MRPS25: variants seen among roughly 807,000 people sequenced by gnomAD.
MRPS25 encodes the protein small ribosomal subunit protein mS25.
In MRPS25, 15 loss-of-function variants were observed where a neutral mutation model predicts 17.3. The ratio of observed to expected loss-of-function variants is 0.87; its 90% confidence interval spans 0.58 to 1.34. The LOEUF (loss-of-function observed/expected upper bound fraction) is 1.34, where lower values mean the gene tolerates loss of function less well. MRPS25 is among the 40% of genes most tolerant of loss of function. The pLI is 0.00. For missense variants in MRPS25, 225 were observed against 218.6 expected (o/e 1.03, Z -0.19); for synonymous variants, 94 against 83.3 (o/e 1.13, Z -0.70).
downstream of MRPS25, chr3:15,043,502 CTT>C (rs1267278556): frequency 6.5e-6 from 1 of 152,722 alleles, no homozygotes; most frequent in Non-Finnish European, 1.5e-5. Flanking sequence ...CTGTGTATGT[CTT>C]TTGCCGAAAT....
chr3:15,052,806 G>A (rs1219713380), intron 3 of MRPS25, among the ~76,000 whole-genome samples, 173 bp from the exon 4 acceptor site: 1 of 152,112 alleles, frequency 6.6e-6, no homozygotes, highest in African/African-American at 2.4e-5. Flanking sequence ...CCCCTGAGGA[G>A]AGCGCTGAAA....
At chr3:15,044,045 T>G (rs763598129), downstream of MRPS25, 2 of 152,160 alleles carry the variant, frequency 1.3e-5, no homozygotes, top group Non-Finnish European at 2.9e-5. Context: ...AGTGTGAGCG[T>G]TACCTTCCCA....
intron 2 of MRPS25, 173 bp from the exon 3 acceptor site, chr3:15,053,640 C>A: frequency 1.3e-6 from 1 of 742,884 alleles, no homozygotes; most frequent in Admixed American, 2.1e-5. Flanking sequence ...TTTCTTTAGA[C>A]CTGAGCAAGC....
intron 1 of MRPS25, among the ~76,000 whole-genome samples, chr3:15,061,523 T>C (rs2042758732): frequency 6.6e-6 from 1 of 152,198 alleles, no homozygotes; most frequent in South Asian, 2.1e-4. Flanking sequence ...CAGTGCTCAA[T>C]GGTGCCCAGG....
Position 15,052,278 on chromosome 3 carries a change from C to G in MRPS25, c.*163G>C. On this transcript the variant is annotated 3_prime_UTR_variant, in exon 4 of 4. Transcript: ENST00000253686. ...TTTAGCAGCTCAGCTTCAGACCCTC[C>G]TCTCCCACATCCTTTTACACAGGTG... The G allele has an allele frequency of 7.2e-7, 1 of 1,393,166 alleles. No individual in the cohort carries two copies. 86.3% of individuals were successfully genotyped at this position (1,393,166 alleles called of 1,614,324 possible).
intron 2 of MRPS25, among the ~76,000 whole-genome samples, chr3:15,054,129 T>C (rs895620648): frequency 1.3e-5 from 2 of 151,926 alleles, no homozygotes; most frequent in African/African-American, 4.8e-5. Flanking sequence ...CAGAACTGCT[T>C]GAACCCAGGA....
At chr3:15,063,774 T>C (rs577295486) in intron 1 of MRPS25, among the ~76,000 whole-genome samples, 3 of 151,788 alleles carry the variant, frequency 2.0e-5, no homozygotes, top group South Asian at 4.2e-4. Flanking sequence ...TGCCAAACAG[T>C]GAAGGGCCCT....
intron 1 of MRPS25, 80 bp downstream of exon 1, chr3:15,064,981 C>A (rs2042833792): frequency 1.3e-6 from 2 of 1,511,992 alleles, no homozygotes; most frequent in Admixed American, 4.0e-5. Context: ...CCGCCCAGAG[C>A]GACTCGGGAC....
chr3:15,055,824 A>G (rs1036041776), intron 2 of MRPS25, among the ~76,000 whole-genome samples: 1 of 152,162 alleles, frequency 6.6e-6, no homozygotes, highest in African/African-American at 2.4e-5. Flanking sequence ...GGCCACAGAG[A>G]AAACAGTCAC....
Position 15,051,676 on chromosome 3 carries a change from CTA to C in MRPS25, c.*763_*764del, listed in dbSNP as rs549244878. 1.0e-5 allele frequency: 10 copies of C among 985,716 alleles called. No homozygotes were observed. In the African/African-American group the frequency reaches 1.7e-4, roughly 17 times the overall value. 61.1% of individuals were successfully genotyped at this position (985,716 alleles called of 1,614,324 possible). A position where few individuals can be genotyped will look rare whatever the true frequency, so the allele number is the denominator to read the frequency against. On this transcript the variant is annotated 3_prime_UTR_variant, in exon 4 of 4. Transcript: ENST00000253686. ...GGCCTGAGGGAGCCAGCAGAGCCAG[CTA>C]TAGACACCATCCCCCCAGCAGGGCC...
At chr3:15,058,764 T>TA (rs1270364339) in intron 2 of MRPS25, among the ~76,000 whole-genome samples, 2 of 152,208 alleles carry the variant, frequency 1.3e-5, no homozygotes, top group African/African-American at 2.4e-5. Flanking sequence ...ATGGGTCTGT[T>TA]ACTTGCTCAG....
chr3:15,057,235 G>A (rs781747204), intron 2 of MRPS25, among the ~76,000 whole-genome samples: 7 of 152,196 alleles, frequency 4.6e-5, no homozygotes, highest in South Asian at 2.1e-4. Context: ...AGAATGTCCC[G>A]CTGCGCTGGC....
At position 15,059,482 on chromosome 3, in the gene MRPS25, A is replaced by C. The variant is rs1166052776; in HGVS notation, c.135-7T>G. 38 of 1,591,432 alleles carry C rather than the reference A, an allele frequency of 2.4e-5. No homozygotes were observed. Among genetic ancestry groups the C allele is most frequent in the Non-Finnish European group, 3.2e-5 (37 of 1,160,898 alleles). ...GTTGAAAAACACAAACTTCCTGCAA[A>C]AGGGAAGAAATGAAGCCTATGAAAC... is the stretch of plus-strand genomic sequence containing the variant. On this transcript the variant is annotated splice_polypyrimidine_tract_variant and splice_region_variant and intron_variant, in intron 1 of 3. Transcript: ENST00000253686.
downstream of MRPS25, chr3:15,043,191 C>T (rs1052008855): frequency 9.2e-6 from 4 of 436,140 alleles, no homozygotes; most frequent in Non-Finnish European, 1.6e-5. Flanking sequence ...CCTTTCCTGA[C>T]ATAAGAAATG....
At chr3:15,062,104 G>A (rs1322096258) in intron 1 of MRPS25, among the ~76,000 whole-genome samples, 2 of 139,198 alleles carry the variant, frequency 1.4e-5, no homozygotes, top group African/African-American at 5.4e-5. Flanking sequence ...GGGCTCAGCC[G>A]CCCGGCCAGC....
downstream of MRPS25, chr3:15,046,288 T>C (rs764048055): frequency 2.0e-5 from 3 of 152,206 alleles, no homozygotes; most frequent in Non-Finnish European, 4.4e-5. Context: ...TAGCTTGTCA[T>C]TGTCAGTATT....
downstream of MRPS25, chr3:15,042,971 C>T: frequency 6.2e-7 from 1 of 1,614,176 alleles, no homozygotes. Context: ...ATGGAGACAG[C>T]AGAGTATAAT....
At chr3:15,053,286 C>T (rs2042629093) in intron 3 of MRPS25, 94 bp downstream of exon 3, 5 of 1,577,292 alleles carry the variant, frequency 3.2e-6, no homozygotes, top group Non-Finnish European at 4.3e-6. Flanking sequence ...GTCAGAGAAT[C>T]TTACCTCTCA....
chr3:15,058,228 C>T (rs949534024), intron 2 of MRPS25, among the ~76,000 whole-genome samples: 5 of 148,532 alleles, frequency 3.4e-5, no homozygotes, highest in Admixed American at 6.7e-5. Context: ...CTTGCTCTGC[C>T]GCCCAGGCTG....
Sources: allele counts gnomAD v4.1 joint callset (sites outside exome capture counted in the v4.1 genomes callset), GRCh38; gene constraint gnomAD v4.1.1; transcripts MANE v1.5; gene names NCBI Gene and HGNC (gene_info 2026-07-23, HGNC 2026-07-21).